MACF1: variants seen among roughly 807,000 people sequenced by gnomAD.
The protein encoded by MACF1 is microtubule-actin cross-linking factor 1.
MACF1 carries 193 observed loss-of-function variants against 854.8 expected under a neutral mutation model. That is an observed-to-expected ratio of 0.23 (90% confidence interval 0.20 to 0.25). The LOEUF is 0.25. Ranked by LOEUF, MACF1 falls within the 10% of genes least tolerant of loss-of-function variation. The probability of loss-of-function intolerance (pLI) is 1.00; values close to 1 mark genes in which losing one functional copy is unlikely to be tolerated. For synonymous variants in MACF1, 3,185 were observed against 3,226.7 expected (o/e 0.99, Z 0.44); for missense variants, 7,722 against 8,929.1 (o/e 0.86, Z 5.45).
intron 97 of MACF1, among the ~76,000 whole-genome samples, chr1:39,474,761 C>T (rs563234560): frequency 6.6e-6 from 1 of 152,252 alleles, no homozygotes; most frequent in Non-Finnish European, 1.5e-5. Context: ...ATACTGCGCT[C>T]CAGCCTCAGC....
intron 66 of MACF1, among the ~76,000 whole-genome samples, chr1:39,431,197 G>A (rs935686561): frequency 5.3e-5 from 8 of 152,182 alleles, no homozygotes; most frequent in African/African-American, 1.9e-4. Flanking sequence ...GGTGATGGGA[G>A]TAGATAATAT....
intron 58 of MACF1, among the ~76,000 whole-genome samples, chr1:39,393,296 G>C (rs565364019): frequency 1.2e-4 from 18 of 149,080 alleles, no homozygotes; most frequent in African/African-American, 4.0e-4. Context: ...CTTGAACTGA[G>C]ATCATTCTGA....
intron 2 of MACF1, among the ~76,000 whole-genome samples, chr1:39,152,915 A>G (rs1643612815): frequency 1.3e-5 from 2 of 151,882 alleles, no homozygotes. Flanking sequence ...ATTTGCTGGC[A>G]GAACAGCCCA....
At chr1:39,127,715 G>A (rs1012207367) in intron 2 of MACF1, among the ~76,000 whole-genome samples, 1 of 152,184 alleles carries the variant, frequency 6.6e-6, no homozygotes, top group Non-Finnish European at 1.5e-5. Context: ...TCAGGGAAGT[G>A]ACCTTTACTT....
At chr1:39,176,127 A>AAAAAAAAAAAAAAAAAAAAAAAG (rs1390158276) in intron 2 of MACF1, among the ~76,000 whole-genome samples, 1 of 133,156 alleles carries the variant, frequency 7.5e-6, no homozygotes, top group Admixed American at 7.9e-5. Flanking sequence ...AAAAAAAAAA[A>AAAAAAAAAAAAAAAAAAAAAAAG]GCCAGGTGTG....
intron 2 of MACF1, among the ~76,000 whole-genome samples, chr1:39,148,498 G>T (rs536275806): frequency 2.6e-5 from 4 of 152,050 alleles, no homozygotes; most frequent in Non-Finnish European, 5.9e-5. Context: ...TAAATATTTT[G>T]ATGTTTTCTT....
intron 2 of MACF1, among the ~76,000 whole-genome samples, chr1:39,235,673 A>G (rs1383080385): frequency 6.6e-6 from 1 of 152,146 alleles, no homozygotes; most frequent in East Asian, 1.9e-4. Flanking sequence ...ATAGTTTCCT[A>G]ATAAAGTTTT....
At chr1:39,364,285 C>T (rs560963626) in intron 49 of MACF1, among the ~76,000 whole-genome samples, 62 of 151,492 alleles carry the variant, frequency 4.1e-4, no homozygotes, top group Non-Finnish European at 7.5e-4. Flanking sequence ...TGTATTTTTA[C>T]ATTTAAGAGT....
chr1:39,432,421 T>G, intron 66 of MACF1, 114 bp from the exon 67 acceptor site: 26 of 823,986 alleles, frequency 3.2e-5, no homozygotes, highest in Admixed American at 6.0e-5. Flanking sequence ...CTCTACTTTG[T>G]GAGATATAAA....
intron 93 of MACF1, among the ~76,000 whole-genome samples, chr1:39,462,596 C>T (rs1213076818): frequency 6.6e-6 from 1 of 151,804 alleles, no homozygotes; most frequent in African/African-American, 2.4e-5. Flanking sequence ...GTGCTTGTAG[C>T]CCCAGCTACT....
chr1:39,403,284 A>T (rs1313395480), intron 58 of MACF1, among the ~76,000 whole-genome samples: 1 of 152,020 alleles, frequency 6.6e-6, no homozygotes, highest in Non-Finnish European at 1.5e-5. Context: ...TTTTTAGTAG[A>T]GACGGGGTTT....
intron 40 of MACF1, 98 bp from the exon 41 acceptor site, chr1:39,346,879 G>A: frequency 1.3e-6 from 1 of 786,378 alleles, no homozygotes; most frequent in Non-Finnish European, 2.1e-6. Flanking sequence ...GAAAATACAG[G>A]AAATTAGCCT....
At chr1:39,151,935 G>C (rs539881140) in intron 2 of MACF1, among the ~76,000 whole-genome samples, 98 of 152,146 alleles carry the variant, frequency 6.4e-4, no homozygotes, top group African/African-American at 2.3e-3. Flanking sequence ...CTGGGATCAG[G>C]ATTCAGAACT....
At position 39,355,874 on chromosome 1, in the gene MACF1, T is replaced by A. The variant is rs1647514628; in HGVS notation, c.11425-1501T>A. ...GTGGACTCACCATGCCTCATTAATTTTTTTTTAAGAGACAGTCTTGCTATG... is the reference window on the plus strand; with the variant it reads ...GTGGACTCACCATGCCTCATTAATTATTTTTTAAGAGACAGTCTTGCTATG... On this transcript the variant is annotated intron_variant, in intron 44 of 100. Coordinates refer to ENST00000564288, the MANE Select transcript of MACF1 (RefSeq NM_001394062.1). 2.0e-5 allele frequency among the ~76,000 whole-genome samples: 3 copies of A among 152,190 alleles called. No individual in the cohort carries two copies. The South Asian group carries it at 6.2e-4, about 32-fold the overall frequency.
intron 97 of MACF1, among the ~76,000 whole-genome samples, chr1:39,470,955 C>G (rs1432934425): frequency 6.6e-6 from 1 of 152,174 alleles, no homozygotes; most frequent in Non-Finnish European, 1.5e-5. Flanking sequence ...TTGTCCTTAT[C>G]TTAGTATCTA....
At chr1:39,309,474 C>G in intron 23 of MACF1, 96 bp from the exon 24 acceptor site, 2 of 1,443,492 alleles carry the variant, frequency 1.4e-6, no homozygotes, top group South Asian at 1.3e-5. Flanking sequence ...CATATAAGCT[C>G]AATTCTGCTA....
intron 99 of MACF1, among the ~76,000 whole-genome samples, chr1:39,484,298 T>C (rs1442687144): frequency 1.3e-5 from 2 of 152,058 alleles, no homozygotes; most frequent in Non-Finnish European, 2.9e-5. Flanking sequence ...TTCACCATAA[T>C]TGTTTGTTGT....
In MACF1 at chr1:39,121,440, TTTTATTTA is replaced by T. The variant is rs551997214; in HGVS notation, c.220+37022_220+37029del. ...ACTATATGCCGGGTATTTTGTTTTA[TTTTATTTA>T]TTTATTTATTTATTTATTTGAGACA... On this transcript the variant is annotated intron_variant, in intron 2 of 93. Coordinates refer to the MACF1 transcript ENST00000361689. Among the ~76,000 whole-genome samples, 292 of 152,096 alleles carry T rather than the reference TTTTATTTA, an allele frequency of 1.9e-3. 2 individuals carry two copies. The highest frequency in any genetic ancestry group is 6.6e-3 in the African/African-American group (276 of 41,510).
chr1:39,425,801 T>G (rs1446322615), intron 61 of MACF1, among the ~76,000 whole-genome samples: 1 of 152,220 alleles, frequency 6.6e-6, no homozygotes, highest in Admixed American at 6.5e-5. Flanking sequence ...CTGTACCTTG[T>G]ATTATGATCA....
Sources: gnomAD v4.1 joint callset for allele counts (sites outside exome capture counted in the v4.1 genomes callset) on GRCh38, gnomAD v4.1.1 for gene constraint, MANE v1.5 for transcripts, NCBI Gene and HGNC (gene_info 2026-07-23, HGNC 2026-07-21) for gene names.